The following GPRC5D variants were observed in gnomAD, a reference collection of about 807,000 sequenced individuals.
GPRC5D encodes G protein-coupled receptor family C group 5 member D.
A neutral mutation model predicts 29.3 loss-of-function variants in GPRC5D; 20 were observed. The observed-to-expected ratio is 0.68, with a 90% CI of 0.48 to 0.99. The LOEUF is 0.99. Among genes scored for constraint, GPRC5D ranks in the 50% least tolerant of loss-of-function variants. The probability of loss-of-function intolerance (pLI) is 0.00; values close to 1 mark genes in which losing one functional copy is unlikely to be tolerated. For synonymous variants in GPRC5D, 178 were observed against 171.3 expected, an observed-to-expected ratio of 1.04 and a Z score of -0.30; for missense variants, 384 against 423.6, an observed-to-expected ratio of 0.91 and a Z score of 0.82.
At chr12:12,946,208 C>T (rs993662349) in intron 1 of GPRC5D, among the ~76,000 whole-genome samples, 5 of 152,138 alleles carry the variant, frequency 3.3e-5, no homozygotes, top group Non-Finnish European at 7.3e-5. Context: ...TGGAAAACAA[C>T]AGGACAACCG....
At chr12:12,940,824 A>G in exon 3 of GPRC5D, 1 of 1,606,184 alleles carries the variant, frequency 6.2e-7, no homozygotes, top group Admixed American at 1.7e-5. Flanking sequence ...CTGTGGGATG[A>G]AACACTCTTG....
At position 12,944,814 on chromosome 12, in the gene GPRC5D, C is replaced by CT. The variant is rs1565477055; in HGVS notation, c.896-2487dup. ...CTTCCTTCCTTCCCTTCCTTCCTTC[C>CT]TTCCTTCCTTCCTTCCTTCCTTCCT... On this transcript the variant is annotated intron_variant, in intron 1 of 2. Coordinates refer to ENST00000228887, the Ensembl canonical transcript of GPRC5D. Among the ~76,000 whole-genome samples, 18 of 17,782 alleles carry CT rather than the reference C, an allele frequency of 1.0e-3. 1 individual carries two copies. Among genetic ancestry groups the CT allele is most frequent in the African/African-American group, 2.5e-3 (16 of 6,288 alleles). The allele number at this position is 17,782 out of a possible 152,430, so 11.7% of individuals were successfully genotyped here.
chr12:12,942,281 C>G (rs780706045), exon 2 of GPRC5D: 2 of 1,611,282 alleles, frequency 1.2e-6, no homozygotes, highest in South Asian at 2.2e-5. Flanking sequence ...ATGGGAGTAC[C>G]ATATGAAGTT....
chr12:12,943,656 C>G (rs1253387837), intron 1 of GPRC5D, among the ~76,000 whole-genome samples: 2 of 151,972 alleles, frequency 1.3e-5, no homozygotes, highest in African/African-American at 4.8e-5. Context: ...GGGGCTGATG[C>G]TGTGATACAT....
chr12:12,951,905 A>G (rs1863505818), upstream of GPRC5D, among the ~76,000 whole-genome samples: 1 of 152,124 alleles, frequency 6.6e-6, no homozygotes, highest in African/African-American at 2.4e-5. Flanking sequence ...TTCTTTAAAT[A>G]CCTTTTTGAA....
chr12:12,944,653 C>A (rs1190808618), intron 1 of GPRC5D, among the ~76,000 whole-genome samples: 1 of 151,968 alleles, frequency 6.6e-6, no homozygotes, highest in African/African-American at 2.4e-5. Flanking sequence ...CATTGATTAT[C>A]TAATGCCTTC....
chr12:12,946,735 G>A (rs1863358869), intron 1 of GPRC5D, among the ~76,000 whole-genome samples: 1 of 152,096 alleles, frequency 6.6e-6, no homozygotes, highest in Non-Finnish European at 1.5e-5. Flanking sequence ...GATTGCAGGT[G>A]TGAGCCACTG....
chr12:12,940,737 G>A (rs368687575), downstream of GPRC5D: 20 of 1,232,734 alleles, frequency 1.6e-5, no homozygotes, highest in South Asian at 6.0e-5. Context: ...TACCCAGGAC[G>A]GTCTGCTGGG....
intron 1 of GPRC5D, 89 bp downstream of exon 2, chr12:12,949,401 T>C: frequency 1.7e-6 from 2 of 1,152,356 alleles, no homozygotes; most frequent in Non-Finnish European, 2.5e-6. Flanking sequence ...TTTCTTTTAG[T>C]TTCCTCTTGG....
chr12:12,949,902 C>T (rs773873382), exon 1 of GPRC5D: 1 of 1,614,082 alleles, frequency 6.2e-7, no homozygotes, highest in Admixed American at 1.7e-5. Flanking sequence ...GGCAGGGTGT[C>T]ATATTCACAA....
At chr12:12,943,035 A>G (rs1051972246) in intron 1 of GPRC5D, among the ~76,000 whole-genome samples, 1 of 152,176 alleles carries the variant, frequency 6.6e-6, no homozygotes, top group African/African-American at 2.4e-5. Flanking sequence ...CCCTGGCCTC[A>G]AACCTCCCAC....
intron 1 of GPRC5D, among the ~76,000 whole-genome samples, chr12:12,946,236 T>C (rs1334695971): frequency 6.6e-6 from 1 of 152,114 alleles, no homozygotes; most frequent in Non-Finnish European, 1.5e-5. Context: ...GGGAGAGGTC[T>C]TCACACTTGT....
At chr12:12,949,949 C>G (rs1377992707) in exon 1 of GPRC5D, 1 of 1,613,684 alleles carries the variant, frequency 6.2e-7, no homozygotes, top group African/African-American at 1.3e-5. Context: ...GTCACATACT[C>G]AGTGGCAATA....
intron 1 of GPRC5D, among the ~76,000 whole-genome samples, chr12:12,946,747 G>A (rs1240460324): frequency 3.9e-5 from 6 of 151,992 alleles, no homozygotes; most frequent in African/African-American, 1.5e-4. Flanking sequence ...GAGCCACTGC[G>A]CCCGGCCATA....
chr12:12,945,433 T>C (rs918869051), intron 1 of GPRC5D, among the ~76,000 whole-genome samples: 4 of 152,232 alleles, frequency 2.6e-5, no homozygotes, highest in Non-Finnish European at 5.9e-5. Context: ...ATAGCTGATA[T>C]TCTACTCTAA....
intron 1 of GPRC5D, among the ~76,000 whole-genome samples, chr12:12,944,871 TTC>T (rs1863261699): frequency 2.6e-5 from 3 of 114,408 alleles, no homozygotes; most frequent in African/African-American, 3.0e-5. Flanking sequence ...CTTTCTTTCT[TTC>T]TTTCTTTCTT....
At chr12:12,950,079 G>A in exon 1 of GPRC5D, 2 of 1,614,042 alleles carry the variant, frequency 1.2e-6, no homozygotes, top group Non-Finnish European at 1.7e-6. Context: ...ATGAGAAACA[G>A]AGAGCAAAGA....
chr12:12,949,957 A>G (rs777650147), exon 1 of GPRC5D: 13 of 1,613,948 alleles, frequency 8.1e-6, no homozygotes, highest in African/African-American at 1.3e-5. Flanking sequence ...CTCAGTGGCA[A>G]TAATGATTTG....
chr12:12,950,242 A>G, exon 1 of GPRC5D: 1 of 1,614,150 alleles, frequency 6.2e-7, no homozygotes, highest in Non-Finnish European at 8.5e-7. Flanking sequence ...GATCTTTCGC[A>G]TGAGGAAGAG....
Sources: allele counts gnomAD v4.1 joint callset (sites outside exome capture counted in the v4.1 genomes callset), GRCh38; gene constraint gnomAD v4.1.1; transcripts MANE v1.5; gene names NCBI Gene and HGNC (gene_info 2026-07-23, HGNC 2026-07-21).